ADGRL1: variants seen among roughly 807,000 people sequenced by gnomAD.
The protein encoded by ADGRL1 is adhesion G protein-coupled receptor L1, also known as CIRL-1.
A neutral mutation model predicts 148.9 loss-of-function variants in ADGRL1; 31 were observed. That is an observed-to-expected ratio of 0.21 (90% CI 0.16 to 0.28). The LOEUF (loss-of-function observed/expected upper bound fraction) is 0.28. ADGRL1 is among the 10% of genes least tolerant of loss of function. ADGRL1 has a pLI of 1.00. For missense variants in ADGRL1, 1,521 were observed against 2,058.8 expected (o/e 0.74, Z 5.05); for synonymous variants, 937 against 900.3 (o/e 1.04, Z -0.73).
Position 14,152,027 on chromosome 19 carries a change from TG to T in ADGRL1, c.3667+105del. 1 of 1,020,280 alleles carries T rather than the reference TG, an allele frequency of 9.8e-7. No individual in the cohort carries two copies. Among genetic ancestry groups the T allele is most frequent in the Non-Finnish European group, 1.6e-6 (1 of 644,874 alleles). The allele number at this position is 1,020,280 out of a possible 1,614,324, so 63.2% of individuals were successfully genotyped here. A position where few individuals can be genotyped will look rare whatever the true frequency, so the allele number is the denominator to read the frequency against. On this transcript the variant is annotated intron_variant, in intron 22 of 22. Transcript: ENST00000361434. This position sits in a 1 kb window ranked among gnomAD's most constrained non-coding sequence, Gnocchi z 6.1. ...GTCGGGGGGTGGGGAAATGTGGGCA[TG>T]GGGAGGCATCCCGAGTTCTCCTCCT...
At chr19:14,163,845 G>A (rs1038524348) in intron 4 of ADGRL1, among the ~76,000 whole-genome samples, 4 of 152,044 alleles carry the variant, frequency 2.6e-5, no homozygotes, top group East Asian at 1.9e-4. Flanking sequence ...TGACTTTGAC[G>A]GTCCAGGGAC....
At position 14,162,245 on chromosome 19, in the gene ADGRL1, A is replaced by C. The variant is rs2144744045; in HGVS notation, c.1195+361T>G. On this transcript the variant is annotated intron_variant, in intron 5 of 22. Coordinates refer to ENST00000361434, the MANE Select transcript of ADGRL1 (RefSeq NM_014921.5). This position sits in a 1 kb window ranked among gnomAD's most constrained non-coding sequence, Gnocchi z 5.4. Reference sequence around the variant, plus strand: ...TGTGGATACTGGACTTCCACCCAGGATTTTGGTGGATCCAAGGGTTCCTGG... The same window carrying C: ...TGTGGATACTGGACTTCCACCCAGGCTTTTGGTGGATCCAAGGGTTCCTGG... 6.6e-6 allele frequency among the ~76,000 whole-genome samples: 1 copy of C among 152,120 alleles called. No individual in the cohort carries two copies. The highest frequency in any genetic ancestry group is 2.4e-5 in the African/African-American group (1 of 41,498).
chr19:14,163,821 G>C (rs12463215), intron 4 of ADGRL1, among the ~76,000 whole-genome samples: 15,750 of 151,974 alleles, frequency 0.1, 968 homozygotes, highest in Admixed American at 0.18. Flanking sequence ...GAATCTCCCC[G>C]CTACAGTCAC....
Position 14,159,907 on chromosome 19 carries a change from C to A in ADGRL1, c.1801-134G>T. 1 of 1,006,868 alleles carries A rather than the reference C, an allele frequency of 9.9e-7. No homozygotes were observed. The highest frequency in any genetic ancestry group is 1.5e-6 in the Non-Finnish European group (1 of 650,456). 62.4% of individuals were successfully genotyped at this position (1,006,868 alleles called of 1,614,324 possible). ...GGGCTGGGCTATCAGCAAGACATTC[C>A]TCAGGGATCCCCAACCCCCAGGACC... On this transcript the variant is annotated intron_variant, in intron 8 of 22. Coordinates refer to ENST00000361434, the MANE Select transcript of ADGRL1 (RefSeq NM_014921.5). This position sits in a 1 kb window ranked among gnomAD's most constrained non-coding sequence, Gnocchi z 6.0.
Position 14,157,478 on chromosome 19 carries a change from G to GGCAGCCAGGAAGCGGGCAGGGACA in ADGRL1, c.2536-19_2536-18insTGTCCCTGCCCGCTTCCTGGCTGC. ...CCCTGGTACTGGGGACAGGAACAGG[G>GGCAGCCAGGAAGCGGGCAGGGACA]GGCACGCTCAGGGCCTTTGGTTTTG... On this transcript the variant is annotated intron_variant, in intron 13 of 22. Coordinates refer to ENST00000361434, the MANE Select transcript of ADGRL1 (RefSeq NM_014921.5). The surrounding 1 kb of genome is among the most constrained non-coding windows in gnomAD (Gnocchi z 7.5). 3 of 1,612,972 alleles carry GGCAGCCAGGAAGCGGGCAGGGACA rather than the reference G, an allele frequency of 1.9e-6. No homozygotes were observed. Among genetic ancestry groups the GGCAGCCAGGAAGCGGGCAGGGACA allele is most frequent in the Non-Finnish European group, 2.5e-6 (3 of 1,179,402 alleles).
intron 1 of ADGRL1, among the ~76,000 whole-genome samples, chr19:14,186,358 T>A (rs1404435438): frequency 1.3e-5 from 2 of 152,174 alleles, no homozygotes; most frequent in African/African-American, 4.8e-5. Flanking sequence ...ACCACTGTTG[T>A]CTTCATATCC....
chr19:14,192,121 C>A (rs1260813988), intron 1 of ADGRL1, among the ~76,000 whole-genome samples: 1 of 152,180 alleles, frequency 6.6e-6, no homozygotes, highest in African/African-American at 2.4e-5. Flanking sequence ...GGAGTCAGGG[C>A]TTCAACCTCT....
intron 12 of ADGRL1, 67 bp from the exon 13 acceptor site, chr19:14,158,119 C>A (rs573925494): frequency 2.0e-6 from 3 of 1,521,732 alleles, no homozygotes; most frequent in South Asian, 2.3e-5. Flanking sequence ...TCCGACCCCC[C>A]ACACCTGGCA....
intron 1 of ADGRL1, among the ~76,000 whole-genome samples, chr19:14,193,968 G>A (rs1599511905): frequency 1.3e-5 from 2 of 152,042 alleles, no homozygotes; most frequent in South Asian, 2.1e-4. Flanking sequence ...GTTGTTGGCT[G>A]CAGTGGCTCA....
intron 3 of ADGRL1, among the ~76,000 whole-genome samples, chr19:14,172,292 C>A (rs1304128059): frequency 6.6e-6 from 1 of 152,072 alleles, no homozygotes; most frequent in Non-Finnish European, 1.5e-5. Flanking sequence ...CGTGGTGGTG[C>A]ATGTCTGTAA....
At chr19:14,174,982 C>G (rs897570506) in intron 3 of ADGRL1, among the ~76,000 whole-genome samples, 1 of 151,792 alleles carries the variant, frequency 6.6e-6, no homozygotes, top group Non-Finnish European at 1.5e-5. Flanking sequence ...GCTGGGACCA[C>G]AGGCACACAC....
chr19:14,161,377 C>A lies in ADGRL1; in HGVS notation c.1445G>T (p.Arg482Leu). ...ELFCEPREVRRVQWPATQQGM... is the reference protein window; with the variant it reads ...ELFCEPREVRLVQWPATQQGM... ...CTGCTGGGTGGCCGGCCACTGGACC[C>A]GCCGTACCTCTCGGGGCTCGCAGAA... Residue 482 changes from arginine to leucine, a missense_variant, in exon 6 of 23, where the codon CGG becomes CTG. Coordinates refer to ENST00000361434, the MANE Select transcript of ADGRL1 (RefSeq NM_014921.5). This position sits in a 1 kb window ranked among gnomAD's most constrained non-coding sequence, Gnocchi z 4.4. 6.3e-7 allele frequency: 1 copy of A among 1,594,634 alleles called. No homozygotes were observed. Among genetic ancestry groups the A allele is most frequent in the Non-Finnish European group, 8.5e-7 (1 of 1,172,416 alleles).
At position 14,183,596 on chromosome 19, in the gene ADGRL1, G is replaced by A. The variant is rs202034157; in HGVS notation, c.7C>T (p.Arg3Cys). Residue 3 changes from arginine to cysteine, a missense_variant, in exon 2 of 23, where the codon CGC becomes TGC. Around this residue, in one of 8 missense-constraint regions of ADGRL1, gnomAD observed 334 missense variants for 512.5 expected, o/e 0.65. Coordinates refer to ENST00000361434, the MANE Select transcript of ADGRL1 (RefSeq NM_014921.5). Reference protein sequence around the residue: MARLAAVLWNLCV... With the variant: MACLAAVLWNLCV... ...AGATTCCAGAGCACTGCGGCTAGGC[G>A]GGCCATGGTGGCAGCCGGGTGCGTG... is the stretch of plus-strand genomic sequence containing the variant. 146 of 1,576,082 alleles carry A rather than the reference G, an allele frequency of 9.3e-5. No individual in the cohort carries two copies. The highest frequency in any genetic ancestry group is 1.2e-4 in the Non-Finnish European group (137 of 1,160,534).
Position 14,152,697 on chromosome 19 carries a change from G to T in ADGRL1, c.3424-84C>A. On this transcript the variant is annotated intron_variant, in intron 19 of 22. Transcript: ENST00000361434. This position sits in a 1 kb window ranked among gnomAD's most constrained non-coding sequence, Gnocchi z 6.1. ...CTGAGACTGCTCACCTGATCATCAC[G>T]ATCAGAAACCTAGGCCAAGCCACTC... 1.3e-6 allele frequency: 2 copies of T among 1,595,900 alleles called. No individual in the cohort carries two copies. The highest frequency in any genetic ancestry group is 2.2e-5 in the South Asian group (2 of 90,100).
chr19:14,159,642 G>A lies in ADGRL1; in HGVS notation c.1840-58C>T. On this transcript the variant is annotated intron_variant, in intron 9 of 22. Transcript: ENST00000361434. This position sits in a 1 kb window ranked among gnomAD's most constrained non-coding sequence, Gnocchi z 6.0. ...CCCCAACACCCTCTAATTCCTGGGG[G>A]TGGGCTCTGCATGCCCTCTTCTCAA... The A allele has an allele frequency of 6.3e-7, 1 of 1,595,446 alleles. No homozygotes were observed. Among genetic ancestry groups the A allele is most frequent in the Non-Finnish European group, 8.6e-7 (1 of 1,165,504 alleles).
At chr19:14,176,515 T>G (rs902407411) in intron 3 of ADGRL1, among the ~76,000 whole-genome samples, 1 of 152,044 alleles carries the variant, frequency 6.6e-6, no homozygotes, top group African/African-American at 2.4e-5. Context: ...CTCAGGTGTC[T>G]CCTCCTTGGA....
rs561939805 is a variant in ADGRL1, at chr19:14,164,200, C to T, written c.395-794G>A. 5.7e-4 allele frequency among the ~76,000 whole-genome samples: 87 copies of T among 152,126 alleles called. 1 individual carries two copies. The highest frequency in any genetic ancestry group is 2.0e-3 in the African/African-American group (82 of 41,498). On this transcript the variant is annotated intron_variant, in intron 4 of 22. Transcript: ENST00000361434. ...AAAGAGTCTGGCCCCTCCTGGAGGGCGCCCAGCCCTGCCCCCAGCCGGCAG... is the reference window on the plus strand; with the variant it reads ...AAAGAGTCTGGCCCCTCCTGGAGGGTGCCCAGCCCTGCCCCCAGCCGGCAG...
Position 14,147,899 on chromosome 19 carries a change from G to C in ADGRL1, c.*2974C>G, listed in dbSNP as rs1967757930. 6.6e-6 allele frequency: 1 copy of C among 152,542 alleles called. No individual in the cohort carries two copies. The highest frequency in any genetic ancestry group is 2.1e-4 in the South Asian group (1 of 4,828). The allele number at this position is 152,542 out of a possible 1,614,324, so 9.4% of individuals were successfully genotyped here. A position where few individuals can be genotyped will look rare whatever the true frequency, so the allele number is the denominator to read the frequency against. On this transcript the variant is annotated 3_prime_UTR_variant, in exon 23 of 23. Transcript: ENST00000361434. ...CAAAATTGGTTTGGCATATCGAAAA[G>C]GAGACCAAGGAGGGAGGGGCTGGGG... is the stretch of plus-strand genomic sequence containing the variant.
intron 3 of ADGRL1, among the ~76,000 whole-genome samples, chr19:14,175,297 T>G (rs1970742658): frequency 6.6e-6 from 1 of 151,582 alleles, no homozygotes; most frequent in Non-Finnish European, 1.5e-5. Context: ...ACAAATACAC[T>G]CTCAGTCAAC....
Sources: gnomAD v4.1 joint callset for allele counts (sites outside exome capture counted in the v4.1 genomes callset) on GRCh38, gnomAD v4.1.1 for gene constraint, gnomAD v4.1.1 regional missense constraint, Gnocchi (gnomAD v3.1) non-coding constraint, MANE v1.5 for transcripts, NCBI Gene and HGNC (gene_info 2026-07-23, HGNC 2026-07-21) for gene names.